PRKG1: variants seen among roughly 807,000 people sequenced by gnomAD.
PRKG1 encodes the protein cGMP-dependent protein kinase 1.
Under a neutral mutation model 88.1 loss-of-function variants are expected in PRKG1, and 35 were observed. The observed-to-expected ratio is 0.40, with a 90% CI of 0.30 to 0.53. PRKG1 has a LOEUF of 0.53. Ranked by LOEUF, PRKG1 falls within the 20% of genes least tolerant of loss-of-function variation. PRKG1 has a pLI of 0.59. For missense variants in PRKG1, 540 were observed against 839.8 expected (o/e 0.64, Z 4.41); for synonymous variants, 303 against 292.5 (o/e 1.04, Z -0.37).
At chr10:52,287,351 TAGAA>T (rs1292620262) in intron 14 of PRKG1, among the ~76,000 whole-genome samples, 1 of 151,950 alleles carries the variant, frequency 6.6e-6, no homozygotes, top group African/African-American at 2.4e-5. Context: ...TTAAAGTAAA[TAGAA>T]AGCATTTTTC....
At chr10:51,735,874 T>C (rs1342196539) in intron 3 of PRKG1, among the ~76,000 whole-genome samples, 1 of 123,916 alleles carries the variant, frequency 8.1e-6, no homozygotes, top group Non-Finnish European at 1.6e-5. Flanking sequence ...TATATATATA[T>C]ATATATGTAT....
chr10:51,426,471 A>G (rs1028038673), intron 2 of PRKG1, among the ~76,000 whole-genome samples: 1 of 152,202 alleles, frequency 6.6e-6, no homozygotes, highest in African/African-American at 2.4e-5. Flanking sequence ...TAATTAATTA[A>G]AAGATAAAAG....
chr10:51,274,446 T>A (rs757038432), intron 2 of PRKG1, among the ~76,000 whole-genome samples: 1 of 152,234 alleles, frequency 6.6e-6, no homozygotes, highest in Non-Finnish European at 1.5e-5. Context: ...AATCAAGTAA[T>A]AATTGTTCTA....
At position 51,979,410 on chromosome 10, in the gene PRKG1, G is replaced by GTTTTTTTTTTTTT. The variant is rs61150252; in HGVS notation, c.762+71852_762+71864dup. ...CAATATTCATCATGGATATTGGTCT[G>GTTTTTTTTTTTTT]TTTTTTTTTTTTTTTTTTTTTTTTC... is the stretch of plus-strand genomic sequence containing the variant. On this transcript the variant is annotated intron_variant, in intron 5 of 17. Coordinates refer to ENST00000373980, the MANE Select transcript of PRKG1 (RefSeq NM_006258.4). Among the ~76,000 whole-genome samples, 209 of 47,062 alleles carry GTTTTTTTTTTTTT rather than the reference G, an allele frequency of 4.4e-3. 10 individuals carry two copies. Among genetic ancestry groups the GTTTTTTTTTTTTT allele is most frequent in the Admixed American group, 8.3e-3 (19 of 2,284 alleles). 30.9% of individuals were successfully genotyped at this position (47,062 alleles called of 152,430 possible).
chr10:51,392,229 TAAAC>T (rs1215463264), intron 2 of PRKG1, among the ~76,000 whole-genome samples: 1 of 151,946 alleles, frequency 6.6e-6, no homozygotes, highest in Non-Finnish European at 1.5e-5. Flanking sequence ...GGTCAGCAGA[TAAAC>T]AAGTGAACAA....
chr10:51,755,816 A>G (rs545026547), intron 3 of PRKG1, among the ~76,000 whole-genome samples: 1 of 152,312 alleles, frequency 6.6e-6, no homozygotes, highest in South Asian at 2.1e-4. Context: ...AAATCTGACT[A>G]TCTACTTGGT....
chr10:51,677,039 T>C (rs1001472352), intron 3 of PRKG1, among the ~76,000 whole-genome samples: 6 of 152,100 alleles, frequency 3.9e-5, no homozygotes, highest in Non-Finnish European at 8.8e-5. Context: ...GCCCTCCCAA[T>C]AATTACCCCT....
intron 8 of PRKG1, among the ~76,000 whole-genome samples, chr10:52,140,617 A>G (rs1837553327): frequency 6.6e-6 from 1 of 152,220 alleles, no homozygotes; most frequent in African/African-American, 2.4e-5. Context: ...GGTTCTCTGC[A>G]ATAGTTATTT....
At chr10:51,381,019 T>G (rs528834206) in intron 2 of PRKG1, among the ~76,000 whole-genome samples, 44 of 151,924 alleles carry the variant, frequency 2.9e-4, no homozygotes, top group African/African-American at 1.1e-3. Flanking sequence ...GAGTCCATTC[T>G]TTGAATTTGG....
chr10:51,228,484 C>T (rs1838752052), intron 2 of PRKG1, among the ~76,000 whole-genome samples: 1 of 152,200 alleles, frequency 6.6e-6, no homozygotes, highest in Non-Finnish European at 1.5e-5. Context: ...TTTAACTCTT[C>T]ATATGTAATC....
At chr10:51,917,531 C>T (rs1842369162) in intron 5 of PRKG1, among the ~76,000 whole-genome samples, 1 of 152,020 alleles carries the variant, frequency 6.6e-6, no homozygotes, top group Non-Finnish European at 1.5e-5. Context: ...ATGAAGGAAA[C>T]TTTTGGGCTT....
chr10:51,452,357 T>C (rs373920296), intron 2 of PRKG1, among the ~76,000 whole-genome samples: 1 of 152,038 alleles, frequency 6.6e-6, no homozygotes, highest in African/African-American at 2.4e-5. Flanking sequence ...GTGGGGATCC[T>C]TGTCTTTTTT....
At chr10:51,105,019 C>G (rs957881109) in intron 1 of PRKG1, among the ~76,000 whole-genome samples, 1 of 151,992 alleles carries the variant, frequency 6.6e-6, no homozygotes, top group Non-Finnish European at 1.5e-5. Context: ...CATGGGCCAC[C>G]GCACCCAGCC....
chr10:51,222,744 T>C (rs946419272), intron 2 of PRKG1, among the ~76,000 whole-genome samples: 2 of 152,072 alleles, frequency 1.3e-5, no homozygotes, highest in Non-Finnish European at 2.9e-5. Context: ...TAAGTATGAG[T>C]ACTTCATGAG....
At position 51,145,615 on chromosome 10, in the gene PRKG1, A is replaced by T. The variant is rs551149908; in HGVS notation, c.312-7549A>T. On this transcript the variant is annotated intron_variant, in intron 1 of 17. Transcript: ENST00000373980. ...TCTATTTTTAGTTAGGCTCACGCGTAAAATGCATCTCTAGAGAGCTGAATG... is the reference window on the plus strand; with the variant it reads ...TCTATTTTTAGTTAGGCTCACGCGTTAAATGCATCTCTAGAGAGCTGAATG... 3.9e-5 allele frequency among the ~76,000 whole-genome samples: 6 copies of T among 152,316 alleles called. No homozygotes were observed. In the South Asian group the frequency reaches 1.0e-3, roughly 26 times the overall value.
intron 3 of PRKG1, among the ~76,000 whole-genome samples, chr10:51,677,931 G>C (rs1338184227): frequency 6.6e-6 from 1 of 152,164 alleles, no homozygotes; most frequent in Non-Finnish European, 1.5e-5. Flanking sequence ...TCTTGGATAT[G>C]AGAGGTTTTT....
At chr10:51,352,404 T>G (rs1052052665) in intron 2 of PRKG1, among the ~76,000 whole-genome samples, 1 of 152,174 alleles carries the variant, frequency 6.6e-6, no homozygotes, top group African/African-American at 2.4e-5. Flanking sequence ...TCCATTTGTT[T>G]GTGTCCTCTC....
rs114288870 is a variant in PRKG1 at position 51,428,594 on chromosome 10, C to G, written c.479-39129C>G. Among the ~76,000 whole-genome samples, 729 of 152,232 alleles carry G rather than the reference C, an allele frequency of 4.8e-3. 7 individuals carry two copies. Among genetic ancestry groups the G allele is most frequent in the African/African-American group, 0.017 (694 of 41,544 alleles). On this transcript the variant is annotated intron_variant, in intron 2 of 17. Coordinates refer to ENST00000373980, the MANE Select transcript of PRKG1 (RefSeq NM_006258.4). ...ATTTATTAAGAAAAACGGCTGAACC[C>G]TGGGTAAGGGCACTATGAGTCTATA... is the stretch of plus-strand genomic sequence containing the variant.
intron 5 of PRKG1, among the ~76,000 whole-genome samples, chr10:52,035,427 G>A (rs1237991697): frequency 6.6e-6 from 1 of 152,158 alleles, no homozygotes; most frequent in Non-Finnish European, 1.5e-5. Flanking sequence ...GAAATGAGAG[G>A]TTCTAAGAGG....
Sources: gnomAD v4.1 joint callset for allele counts (sites outside exome capture counted in the v4.1 genomes callset) on GRCh38, gnomAD v4.1.1 for gene constraint, MANE v1.5 for transcripts, NCBI Gene and HGNC (gene_info 2026-07-23, HGNC 2026-07-21) for gene names.